Variants in ELMOD1 observed in about 807,000 individuals in gnomAD.
ELMOD1 encodes ELMO domain containing 1, also known as ELMO domain-containing protein 1.
In ELMOD1, 21 loss-of-function variants were observed where a neutral mutation model predicts 46.7. The observed-to-expected ratio is 0.45, with a 90% CI of 0.32 to 0.65. The LOEUF (loss-of-function observed/expected upper bound fraction) is 0.65, where lower values mean the gene tolerates loss of function less well. Among genes scored for constraint, ELMOD1 ranks in the 30% least tolerant of loss-of-function variants. The probability of loss-of-function intolerance (pLI) is 0.04; values close to 1 mark genes in which losing one functional copy is unlikely to be tolerated. For missense variants in ELMOD1, 348 were observed against 407.8 expected (o/e 0.85, Z 1.26); for synonymous variants, 122 against 138.2 (o/e 0.88, Z 0.82).
intron 9 of ELMOD1, among the ~76,000 whole-genome samples, chr11:107,652,482 G>A (rs1866542610): frequency 6.6e-6 from 1 of 152,210 alleles, no homozygotes; most frequent in African/African-American, 2.4e-5. Flanking sequence ...TATCAAATAA[G>A]TAGAGATCAT....
chr11:107,654,768 C>CAAA (rs945140722), intron 10 of ELMOD1, among the ~76,000 whole-genome samples: 89 of 66,864 alleles, frequency 1.3e-3, no homozygotes, highest in Admixed American at 5.0e-3. Context: ...GACTCCGTCT[C>CAAA]AAAAAAAAAA....
intron 6 of ELMOD1, among the ~76,000 whole-genome samples, chr11:107,642,016 C>T (rs998812838): frequency 1.4e-5 from 2 of 146,166 alleles, no homozygotes; most frequent in Non-Finnish European, 3.0e-5. Context: ...GCCATCTCAG[C>T]TCACTGCAAC....
At chr11:107,596,582 G>A (rs1865495857) in intron 1 of ELMOD1, among the ~76,000 whole-genome samples, 1 of 152,060 alleles carries the variant, frequency 6.6e-6, no homozygotes, top group African/African-American at 2.4e-5. Flanking sequence ...TTTTAGTTGA[G>A]AAGCTCAATT....
At chr11:107,618,307 G>A in intron 2 of ELMOD1, 101 bp downstream of exon 2, 1 of 1,331,296 alleles carries the variant, frequency 7.5e-7, no homozygotes, top group South Asian at 1.3e-5. Context: ...CCTGTGACCA[G>A]GACTCCTAAG....
intron 1 of ELMOD1, among the ~76,000 whole-genome samples, chr11:107,612,537 C>G (rs530536006): frequency 6.6e-6 from 1 of 152,296 alleles, no homozygotes; most frequent in East Asian, 1.9e-4. Flanking sequence ...AAAAAATTCT[C>G]CCCATGCTTA....
chr11:107,634,621 A>G (rs528856851), intron 5 of ELMOD1, among the ~76,000 whole-genome samples: 24 of 152,234 alleles, frequency 1.6e-4, no homozygotes, highest in African/African-American at 5.5e-4. Flanking sequence ...GGCACCTGTA[A>G]TCTCAGCTAT....
chr11:107,601,163 A>G (rs117240356), intron 1 of ELMOD1, among the ~76,000 whole-genome samples: 291 of 152,120 alleles, frequency 1.9e-3, no homozygotes, highest in Non-Finnish European at 3.3e-3. Context: ...GTTTCTTAGT[A>G]TATTAAAAGT....
chr11:107,663,169 G>C (rs1866773765), intron 11 of ELMOD1, among the ~76,000 whole-genome samples: 1 of 152,180 alleles, frequency 6.6e-6, no homozygotes, highest in South Asian at 2.1e-4. Flanking sequence ...CTTCTGGGGT[G>C]ACTGATACTT....
chr11:107,650,310 C>G, intron 7 of ELMOD1, 25 bp from the exon 8 acceptor site: 1 of 1,535,120 alleles, frequency 6.5e-7, no homozygotes, highest in Non-Finnish European at 8.9e-7. Flanking sequence ...TATAGAGTTA[C>G]GGTTTTCTTT....
Position 107,650,335 on chromosome 11 carries a change from G to T in ELMOD1, c.555G>T (p.Gln185His). Residue 185 changes from glutamine (Q) to histidine (H), a missense_variant and splice_region_variant, in exon 8 of 12, where the codon CAG becomes CAT. Coordinates refer to ENST00000265840, the MANE Select transcript of ELMOD1 (RefSeq NM_018712.4). Reference protein sequence around the residue: ...GMGLLGLYNLQYFAERDATAA... With the variant: ...GMGLLGLYNLHYFAERDATAA... ...CGGTTTTCTTTCCCTCCCGCTGCAG[G>T]TATTTCGCGGAAAGGGATGCCACAG... 6.3e-7 allele frequency: 1 copy of T among 1,578,450 alleles called. No individual in the cohort carries two copies. Among genetic ancestry groups the T allele is most frequent in the Non-Finnish European group, 8.6e-7 (1 of 1,159,892 alleles).
At chr11:107,662,245 G>A (rs679748) in intron 11 of ELMOD1, among the ~76,000 whole-genome samples, 33,095 of 152,134 alleles carry the variant, frequency 0.22, 6,892 homozygotes, top group African/African-American at 0.54. Flanking sequence ...CTGGGCTCAA[G>A]TGATCCTCCT....
intron 10 of ELMOD1, 98 bp downstream of exon 10, chr11:107,654,320 C>G: frequency 1.9e-6 from 2 of 1,045,414 alleles, no homozygotes; most frequent in Non-Finnish European, 1.4e-6. Context: ...CTCTACTTGT[C>G]CTAATAGAAA....
intron 4 of ELMOD1, 72 bp downstream of exon 4, chr11:107,630,800 C>A (rs56218117): frequency 6.9e-7 from 1 of 1,457,052 alleles, no homozygotes; most frequent in Non-Finnish European, 9.3e-7. Context: ...AGTAAAAATT[C>A]TAAGAAACCA....
chr11:107,652,153 A>T (rs554097692), intron 9 of ELMOD1, among the ~76,000 whole-genome samples: 45 of 152,364 alleles, frequency 3.0e-4, no homozygotes, highest in African/African-American at 1.1e-3. Context: ...TCAAAATGCT[A>T]CTGTCCTTCA....
At chr11:107,638,940 A>T (rs532327794) in intron 6 of ELMOD1, among the ~76,000 whole-genome samples, 1 of 152,294 alleles carries the variant, frequency 6.6e-6, no homozygotes, top group African/African-American at 2.4e-5. Flanking sequence ...TGAGCCCAGG[A>T]GTTCAAGACC....
In ELMOD1 at chr11:107,651,269, A is replaced by G. The variant is rs573676908; in HGVS notation, c.647+361A>G. Among the ~76,000 whole-genome samples, 13 of 152,340 alleles carry G rather than the reference A, an allele frequency of 8.5e-5. No individual in the cohort carries two copies. In the South Asian group the frequency reaches 1.5e-3, roughly 17 times the overall value. Reference sequence around the variant, plus strand: ...TTGCACAGAACAACTTTGCTCCTCTATTAATATATCTAATTTGATTGTTAT... The same window carrying G: ...TTGCACAGAACAACTTTGCTCCTCTGTTAATATATCTAATTTGATTGTTAT... On this transcript the variant is annotated intron_variant, in intron 9 of 11. Transcript: ENST00000265840.
At chr11:107,630,587 C>CA in intron 3 of ELMOD1, 25 bp downstream of exon 3, 1 of 1,607,390 alleles carries the variant, frequency 6.2e-7, no homozygotes, top group Non-Finnish European at 8.5e-7. Flanking sequence ...AAGAAGTAAG[C>CA]AAAAGGTAGA....
At chr11:107,660,677 C>T (rs375731119) in intron 11 of ELMOD1, among the ~76,000 whole-genome samples, 1 of 152,172 alleles carries the variant, frequency 6.6e-6, no homozygotes, top group South Asian at 2.1e-4. Flanking sequence ...AGGAACTCAT[C>T]TAAGCCCAAT....
chr11:107,592,050 C>T (rs765041106), intron 1 of ELMOD1: 6 of 471,508 alleles, frequency 1.3e-5, no homozygotes, highest in South Asian at 1.0e-4. Flanking sequence ...GCTGACGGGG[C>T]TGTTAAAAGC....
Sources: allele counts gnomAD v4.1 joint callset (sites outside exome capture counted in the v4.1 genomes callset), GRCh38; gene constraint gnomAD v4.1.1; transcripts MANE v1.5; gene names NCBI Gene and HGNC (gene_info 2026-07-23, HGNC 2026-07-21).